Variants in PTPN21 observed in about 807,000 individuals in gnomAD.
The protein encoded by PTPN21 is protein tyrosine phosphatase non-receptor type 21, also known as tyrosine-protein phosphatase non-receptor type 21.
In PTPN21, 77 loss-of-function variants were observed where a neutral mutation model predicts 131.8. The observed-to-expected ratio is 0.58, with a 90% CI of 0.49 to 0.71. The LOEUF (loss-of-function observed/expected upper bound fraction) is 0.71, where lower values mean the gene tolerates loss of function less well. Among genes scored for constraint, PTPN21 ranks in the 30% least tolerant of loss-of-function variants. The pLI is 0.00. For synonymous variants in PTPN21, 715 were observed against 621.3 expected, an observed-to-expected ratio of 1.15 and a Z score of -2.24; for missense variants, 1,552 against 1,527.1, an observed-to-expected ratio of 1.02 and a Z score of -0.27.
chr14:88,494,314 G>A (rs1421462179), intron 10 of PTPN21, among the ~76,000 whole-genome samples: 1 of 152,134 alleles, frequency 6.6e-6, no homozygotes, highest in Non-Finnish European at 1.5e-5. Flanking sequence ...CAGGGAGGAG[G>A]ATAAAAGACA....
At position 88,505,953 on chromosome 14, in the gene PTPN21, T is replaced by G. The variant is rs186770505; in HGVS notation, c.449-582A>C. ...AAAAATGATACATGTCTCCATGCCT[T>G]CTTATAGCTGAAGGAGTTTTATTAA... On this transcript the variant is annotated intron_variant, in intron 4 of 18. Coordinates refer to ENST00000556564, the MANE Select transcript of PTPN21 (RefSeq NM_007039.4). 1.2e-3 allele frequency among the ~76,000 whole-genome samples: 176 copies of G among 152,348 alleles called. 4 individuals carry two copies. Among genetic ancestry groups the G allele is most frequent in the African/African-American group, 4.0e-3 (166 of 41,574 alleles).
chr14:88,533,520 T>C (rs960667427), intron 2 of PTPN21, among the ~76,000 whole-genome samples: 8 of 152,210 alleles, frequency 5.3e-5, no homozygotes, highest in Admixed American at 1.3e-4. Flanking sequence ...TGGACGATAA[T>C]AAATGACTAT....
intron 3 of PTPN21, among the ~76,000 whole-genome samples, chr14:88,511,350 C>T (rs1233755130): frequency 6.6e-6 from 1 of 152,038 alleles, no homozygotes; most frequent in Non-Finnish European, 1.5e-5. Flanking sequence ...ATTGGTGGGG[C>T]TGAAGATGGC....
chr14:88,494,048 A>G (rs1348714206), intron 10 of PTPN21, among the ~76,000 whole-genome samples: 1 of 152,178 alleles, frequency 6.6e-6, no homozygotes, highest in Non-Finnish European at 1.5e-5. Context: ...ACAAACAAAT[A>G]TAGAAATTCA....
rs777743065 is a variant in PTPN21 at position 88,479,273 on chromosome 14, C to G, written c.2158G>C (p.Glu720Gln). Reference sequence around the variant, plus strand: ...GGCGCCCGGGCCCCGCTCTCCTCCTCGAAGTCCTCGTCCTCCTCCTCCTCG... The same window carrying G: ...GGCGCCCGGGCCCCGCTCTCCTCCTGGAAGTCCTCGTCCTCCTCCTCCTCG... ...SSEEEEDEDFEEESGARAPPA... is the reference protein window; with the variant it reads ...SSEEEEDEDFQEESGARAPPA... Residue 720 changes from glutamate to glutamine, a missense_variant, in exon 13 of 19, where the codon GAG (glutamate) becomes CAG (glutamine). This residue lies in a region of PTPN21 where 1,016 missense variants were observed against 883.5 expected (regional missense o/e 1.15). Coordinates refer to ENST00000556564, the MANE Select transcript of PTPN21 (RefSeq NM_007039.4). 2.5e-6 allele frequency: 4 copies of G among 1,612,896 alleles called. No homozygotes were observed. Among genetic ancestry groups the G allele is most frequent in the South Asian group, 1.1e-5 (1 of 91,040 alleles).
At position 88,480,293 on chromosome 14, in the gene PTPN21, T is replaced by C. The variant is rs1398596581; in HGVS notation, c.1138A>G (p.Arg380Gly). The change falls in exon 13 of 19, where the codon AGA becomes GGA. Residue 380 changes from arginine to glycine, a missense_variant. By Grantham distance (125) the Arg-to-Gly change is moderately radical. This residue lies in a region of PTPN21 where 1,016 missense variants were observed against 883.5 expected (regional missense o/e 1.15). Transcript: ENST00000556564. ...CGACCGTTGAGGTCAATCTGGGCTC[T>C]ATCCAAGCTTGTCTGAGAGTGACAG... ...YYCHSQTSLDRAQIDLNGRIR... is the reference protein window; with the variant it reads ...YYCHSQTSLDGAQIDLNGRIR... The C allele has an allele frequency of 6.2e-7, 1 of 1,614,216 alleles. No individual in the cohort carries two copies. Among genetic ancestry groups the C allele is most frequent in the South Asian group, 1.1e-5 (1 of 91,082 alleles).
At chr14:88,544,718 A>C (rs1271079418) in intron 2 of PTPN21, among the ~76,000 whole-genome samples, 3 of 152,218 alleles carry the variant, frequency 2.0e-5, no homozygotes, top group African/African-American at 7.2e-5. Context: ...GCAGACAGGC[A>C]CTGAAGCACC....
At chr14:88,521,108 T>A (rs1432383751) in intron 2 of PTPN21, among the ~76,000 whole-genome samples, 2 of 152,238 alleles carry the variant, frequency 1.3e-5, no homozygotes, top group East Asian at 3.9e-4. Context: ...CTTCCCAAAG[T>A]GCTGGGATTA....
intron 18 of PTPN21, 89 bp downstream of exon 18, chr14:88,468,827 G>T: frequency 6.5e-7 from 1 of 1,530,036 alleles, no homozygotes; most frequent in Non-Finnish European, 9.0e-7. Context: ...AAGGAAATGT[G>T]CGCAAAAAGA....
rs1184601560 is a variant in PTPN21, at chr14:88,479,863, G to A, written c.1568C>T (p.Pro523Leu). The change falls in exon 13 of 19, where the codon CCC becomes CTC. Residue 523 changes from proline (P) to leucine (L), a missense_variant. This residue lies in a region of PTPN21 where 1,016 missense variants were observed against 883.5 expected (regional missense o/e 1.15). Transcript: ENST00000556564. ...SLSYSFHSPS[P>L]YPYPAERRPV... ...CCGCCGCTCGGCAGGGTAGGGGTAG[G>A]GAGACGGGCTGTGGAAGCTGTAGCT... The A allele has an allele frequency of 7.6e-6, 12 of 1,572,626 alleles. No individual in the cohort carries two copies. The highest frequency in any genetic ancestry group is 4.5e-5 in the East Asian group (2 of 44,606).
At chr14:88,468,833 A>G in intron 18 of PTPN21, 83 bp downstream of exon 18, 1 of 1,564,180 alleles carries the variant, frequency 6.4e-7, no homozygotes, top group Non-Finnish European at 8.8e-7. Flanking sequence ...ATGTGCGCAA[A>G]AAGAGCTATT....
Position 88,466,505 on chromosome 14 carries a change from TA to T in PTPN21, c.*1631del, listed in dbSNP as rs1200063982. 6.6e-6 allele frequency: 1 copy of T among 152,148 alleles called. No homozygotes were observed. Among genetic ancestry groups the T allele is most frequent in the African/African-American group, 2.4e-5 (1 of 41,428 alleles). 9.4% of individuals were successfully genotyped at this position (152,148 alleles called of 1,614,324 possible). On this transcript the variant is annotated 3_prime_UTR_variant, in exon 19 of 19. Coordinates refer to ENST00000556564, the MANE Select transcript of PTPN21 (RefSeq NM_007039.4). The stretch of plus-strand genomic sequence containing the variant: ...ATGGGAATCAAAATGATGCCTAGAA[TA>T]GTGTAATTTGGGAAACAGCCCTAGA...
chr14:88,545,342 C>T (rs1482345436), intron 2 of PTPN21, among the ~76,000 whole-genome samples: 1 of 152,100 alleles, frequency 6.6e-6, no homozygotes, highest in Non-Finnish European at 1.5e-5. Flanking sequence ...TCATTTTTAG[C>T]GAGCTAGATT....
At position 88,500,687 on chromosome 14, in the gene PTPN21, G is replaced by A. The variant is rs931054467; in HGVS notation, c.764+96C>T. ...ATTTCCATTTTTTAATGAGACCTTG[G>A]TATAGACTTGTGAACAATTTAACTG... On this transcript the variant is annotated intron_variant, in intron 8 of 18. Transcript: ENST00000556564. 4 of 840,594 alleles carry A rather than the reference G, an allele frequency of 4.8e-6. No individual in the cohort carries two copies. The East Asian group carries it at 9.7e-5, about 20-fold the overall frequency. The allele number at this position is 840,594 out of a possible 1,614,324, so 52.1% of individuals were successfully genotyped here. A position where few individuals can be genotyped will look rare whatever the true frequency, so the allele number is the denominator to read the frequency against.
intron 18 of PTPN21, 36 bp downstream of exon 18, chr14:88,468,880 C>CAA: frequency 6.2e-7 from 1 of 1,613,432 alleles, no homozygotes; most frequent in East Asian, 2.2e-5. Flanking sequence ...GCCTCATTTC[C>CAA]ACCCAAAAAG....
intron 2 of PTPN21, among the ~76,000 whole-genome samples, chr14:88,522,979 C>A (rs2078419305): frequency 6.7e-6 from 1 of 148,836 alleles, no homozygotes. Context: ...TGAATAATAA[C>A]CTTAAGAATC....
At chr14:88,507,268 A>T (rs2078105805) in intron 4 of PTPN21, among the ~76,000 whole-genome samples, 1 of 152,220 alleles carries the variant, frequency 6.6e-6, no homozygotes, top group Non-Finnish European at 1.5e-5. Flanking sequence ...ATGAATACAT[A>T]GCATAGTATT....
chr14:88,509,506 T>C (rs1284309274), intron 3 of PTPN21, among the ~76,000 whole-genome samples: 2 of 152,208 alleles, frequency 1.3e-5, no homozygotes, highest in African/African-American at 4.8e-5. Flanking sequence ...TAAGAAGAAT[T>C]TGGATCCAGC....
At position 88,550,358 on chromosome 14, in the gene PTPN21, C is replaced by T. The variant is rs2139369936; in HGVS notation, c.60G>A (p.Lys20=). Residue 20 remains lysine (K), a synonymous_variant, in exon 2 of 19, where the codon AAG becomes AAA. Transcript: ENST00000556564. ...GTTGGATCCGGGCAACCAGGCAACT[C>T]TTGCTGGACACCGTGTAGCGCCGGG... ...KRTRRYTVSS[K]SCLVARIQLL... 2.5e-6 allele frequency: 4 copies of T among 1,614,246 alleles called. No homozygotes were observed. Among genetic ancestry groups the T allele is most frequent in the Middle Eastern group, 1.6e-4 (1 of 6,062 alleles).
Sources: gnomAD v4.1 joint callset for allele counts (sites outside exome capture counted in the v4.1 genomes callset) on GRCh38, gnomAD v4.1.1 for gene constraint, gnomAD v4.1.1 regional missense constraint, MANE v1.5 for transcripts, NCBI Gene and HGNC (gene_info 2026-07-23, HGNC 2026-07-21) for gene names.